Variants in EPAS1 observed in about 807,000 individuals in gnomAD.
The protein encoded by EPAS1 is endothelial PAS domain protein 1.
EPAS1 carries 23 observed loss-of-function variants against 87.9 expected under a neutral mutation model. The ratio of observed to expected loss-of-function variants is 0.26; its 90% CI spans 0.19 to 0.37. The LOEUF (loss-of-function observed/expected upper bound fraction) is 0.37, where lower values mean the gene tolerates loss of function less well. EPAS1 is among the 10% of genes least tolerant of loss of function. The pLI is 1.00. For synonymous variants in EPAS1, 508 were observed against 444.3 expected, an observed-to-expected ratio of 1.14 and a Z score of -1.80; for missense variants, 1,138 against 1,120.7, an observed-to-expected ratio of 1.02 and a Z score of -0.22.
intron 1 of EPAS1, among the ~76,000 whole-genome samples, chr2:46,331,216 T>C (rs1683665998): frequency 6.6e-6 from 1 of 152,246 alleles, no homozygotes; most frequent in Non-Finnish European, 1.5e-5. Context: ...GCACATGCGC[T>C]TGGCCTGGTC....
At chr2:46,306,152 T>C (rs1204541198) in intron 1 of EPAS1, among the ~76,000 whole-genome samples, 1 of 152,200 alleles carries the variant, frequency 6.6e-6, no homozygotes, top group Non-Finnish European at 1.5e-5. Context: ...ATTTAAATCA[T>C]TGTGCTGTGT....
chr2:46,315,749 A>G (rs1187674354), intron 1 of EPAS1, among the ~76,000 whole-genome samples: 2 of 152,242 alleles, frequency 1.3e-5, no homozygotes, highest in African/African-American at 4.8e-5. Context: ...GGGATCTGCA[A>G]ACGTCACCCA....
At position 46,375,571 on chromosome 2, in the gene EPAS1, G is replaced by A. The variant is rs1684726935; in HGVS notation, c.887-119G>A. 1 of 1,270,828 alleles carries A rather than the reference G, an allele frequency of 7.9e-7. No homozygotes were observed. The allele number at this position is 1,270,828 out of a possible 1,614,324, so 78.7% of individuals were successfully genotyped here. On this transcript the variant is annotated intron_variant, in intron 7 of 15. Transcript: ENST00000263734. The surrounding 1 kb of genome is among the most constrained non-coding windows in gnomAD (Gnocchi z 4.1). ...CACTCTCCCTGGTCCTCACTGTCGT[G>A]GCGCCCTGTTCTGTCTGTTCCCCTG...
chr2:46,367,926 C>T (rs941095030), intron 6 of EPAS1, among the ~76,000 whole-genome samples: 7 of 152,018 alleles, frequency 4.6e-5, no homozygotes, highest in African/African-American at 9.7e-5. Context: ...TGCATGTGTG[C>T]GCACACACAT....
chr2:46,362,155 C>T (rs1684407406), intron 6 of EPAS1, among the ~76,000 whole-genome samples: 1 of 152,230 alleles, frequency 6.6e-6, no homozygotes, highest in Non-Finnish European at 1.5e-5. Flanking sequence ...CCCAGGGTGA[C>T]AGTTCCTGTG....
intron 1 of EPAS1, among the ~76,000 whole-genome samples, chr2:46,304,203 C>T (rs1356136506): frequency 6.6e-6 from 1 of 152,138 alleles, no homozygotes; most frequent in African/African-American, 2.4e-5. Flanking sequence ...TTATTTGTGC[C>T]AGTGCCGTCC....
chr2:46,333,101 G>C (rs968400603), intron 1 of EPAS1, among the ~76,000 whole-genome samples: 1 of 152,158 alleles, frequency 6.6e-6, no homozygotes, highest in Non-Finnish European at 1.5e-5. Context: ...AGGAGTCATG[G>C]GGTGTTAAGC....
In EPAS1 at chr2:46,346,863, C is replaced by T. The variant is rs775210607; in HGVS notation, c.27-10C>T. 2.5e-5 allele frequency: 41 copies of T among 1,614,014 alleles called. No homozygotes were observed. The highest frequency in any genetic ancestry group is 3.4e-5 in the Non-Finnish European group (40 of 1,179,988). On this transcript the variant is annotated splice_polypyrimidine_tract_variant and intron_variant, in intron 1 of 15. Coordinates refer to ENST00000263734, the MANE Select transcript of EPAS1 (RefSeq NM_001430.5). This position sits in a 1 kb window ranked among gnomAD's most constrained non-coding sequence, Gnocchi z 4.0. Reference sequence around the variant, plus strand: ...ACCTTTCCGGGACTAACCCCTTCTTCTCCACTTAGGAGTAGCTCGGAGAGG... The same window carrying T: ...ACCTTTCCGGGACTAACCCCTTCTTTTCCACTTAGGAGTAGCTCGGAGAGG...
chr2:46,335,241 A>G (rs893317903), intron 1 of EPAS1, among the ~76,000 whole-genome samples: 9 of 152,224 alleles, frequency 5.9e-5, no homozygotes, highest in African/African-American at 1.9e-4. Flanking sequence ...CACTATTAGC[A>G]TGTGATCAAG....
intron 4 of EPAS1, 71 bp downstream of exon 4, chr2:46,356,879 T>C (rs1684281718): frequency 8.9e-7 from 1 of 1,120,442 alleles, no homozygotes; most frequent in Non-Finnish European, 1.4e-6. Flanking sequence ...TGTCTACGGG[T>C]ATAAGGGAGA....
At chr2:46,376,431 A>G (rs1684748982) in intron 8 of EPAS1, 108 bp from the exon 9 acceptor site, 1 of 1,051,562 alleles carries the variant, frequency 9.5e-7, no homozygotes, top group East Asian at 2.4e-5. Context: ...CTGGAGTCCT[A>G]CCCATTTTTT....
chr2:46,305,250 T>C (rs1683086938), intron 1 of EPAS1, among the ~76,000 whole-genome samples: 1 of 152,248 alleles, frequency 6.6e-6, no homozygotes, highest in African/African-American at 2.4e-5. Flanking sequence ...CTTTGTGAGA[T>C]ACCTGGAGCT....
intron 2 of EPAS1, among the ~76,000 whole-genome samples, chr2:46,348,292 T>TG (rs1464816531): frequency 1.3e-5 from 2 of 152,040 alleles, no homozygotes; most frequent in Non-Finnish European, 2.9e-5. Flanking sequence ...TGCAAGACAA[T>TG]GGCAGATACA....
intron 1 of EPAS1, among the ~76,000 whole-genome samples, chr2:46,329,589 C>T (rs919236536): frequency 1.3e-5 from 2 of 152,038 alleles, no homozygotes; most frequent in African/African-American, 2.4e-5. Flanking sequence ...TTTAGGAGGC[C>T]GAGGCGGGTG....
At chr2:46,302,702 G>A (rs1239518375) in intron 1 of EPAS1, among the ~76,000 whole-genome samples, 2 of 147,020 alleles carry the variant, frequency 1.4e-5, no homozygotes, top group Non-Finnish European at 3.0e-5. Context: ...AGGGGATATG[G>A]TCCTGGTCAT....
At chr2:46,354,094 T>C (rs911632113) in intron 2 of EPAS1, among the ~76,000 whole-genome samples, 1 of 152,192 alleles carries the variant, frequency 6.6e-6, no homozygotes, top group Non-Finnish European at 1.5e-5. Context: ...TTGTTCTTCT[T>C]GAGGAATAAC....
chr2:46,369,192 C>T (rs1684569480), intron 6 of EPAS1, among the ~76,000 whole-genome samples: 2 of 152,134 alleles, frequency 1.3e-5, no homozygotes, highest in Non-Finnish European at 2.9e-5. Flanking sequence ...ATGTGAGGCA[C>T]AAGTAGAAAG....
chr2:46,378,898 C>G, intron 11 of EPAS1, 131 bp downstream of exon 11: 2 of 845,758 alleles, frequency 2.4e-6, no homozygotes, highest in South Asian at 2.8e-5. Flanking sequence ...AGGCCCAGGT[C>G]CCCTAAAGAG....
intron 1 of EPAS1, among the ~76,000 whole-genome samples, chr2:46,312,067 A>G (rs142406929): frequency 6.6e-6 from 1 of 152,344 alleles, no homozygotes; most frequent in African/African-American, 2.4e-5. Flanking sequence ...TTAGATCTTC[A>G]GGGCCAAGGC....
Sources: allele counts gnomAD v4.1 joint callset (sites outside exome capture counted in the v4.1 genomes callset), GRCh38; gene constraint gnomAD v4.1.1; non-coding constraint Gnocchi (gnomAD v3.1); transcripts MANE v1.5; gene names NCBI Gene and HGNC (gene_info 2026-07-23, HGNC 2026-07-21).